HSD17B13: variants seen among roughly 807,000 people sequenced by gnomAD.
The protein encoded by HSD17B13 is 17-beta-hydroxysteroid dehydrogenase 13.
A neutral mutation model predicts 31.1 loss-of-function variants in HSD17B13; 26 were observed. The observed-to-expected ratio is 0.84, with a 90% CI of 0.61 to 1.16. The LOEUF is 1.16. Among genes scored for constraint, HSD17B13 ranks in the 50% most tolerant of loss-of-function variants. The pLI, the probability that HSD17B13 is intolerant of heterozygous loss-of-function variation, is 0.00. For missense variants in HSD17B13, 374 were observed against 366.5 expected, an observed-to-expected ratio of 1.02 and a Z score of -0.17; for synonymous variants, 141 against 133.7, an observed-to-expected ratio of 1.05 and a Z score of -0.38.
intron 3 of HSD17B13, among the ~76,000 whole-genome samples, chr4:87,315,872 T>C (rs1734640134): frequency 6.6e-6 from 1 of 152,210 alleles, no homozygotes; most frequent in South Asian, 2.1e-4. Context: ...GGATATGTCA[T>C]CTAAACAATA....
chr4:87,310,329 G>A lies in HSD17B13; in HGVS notation c.726C>T (p.Val242=), dbSNP rs536476809. The A allele has an allele frequency of 1.1e-5, 17 of 1,567,570 alleles. No homozygotes were observed. Among genetic ancestry groups the A allele is most frequent in the African/African-American group, 4.2e-5 (3 of 71,660 alleles). The change falls in exon 6 of 7, where the codon GTC becomes GTT. Residue 242 remains valine (V), a synonymous_variant. Transcript: ENST00000328546. ...GTATTCCATCTATCAGACTTCTTAC[G>A]ACTTCATCTGTCTCCAATACAGGCC... ...RLWPVLETDE[V]VRSLIDGILT... is the part of the protein sequence containing the mutation.
intron 4 of HSD17B13, 138 bp downstream of exon 4, chr4:87,315,355 C>T: frequency 2.1e-6 from 1 of 468,214 alleles, no homozygotes; most frequent in Admixed American, 3.8e-5. Flanking sequence ...TTCATTCTTT[C>T]CTGGCTTTGT....
At chr4:87,312,924 G>A (rs1231944727) in intron 5 of HSD17B13, among the ~76,000 whole-genome samples, 1 of 151,562 alleles carries the variant, frequency 6.6e-6, no homozygotes, top group East Asian at 2.0e-4. Flanking sequence ...GCCAGGCGTG[G>A]TGGTGGGCGC....
chr4:87,310,032 GCA>G, intron 6 of HSD17B13, among the ~76,000 whole-genome samples: 1 of 152,066 alleles, frequency 6.6e-6, no homozygotes, highest in Non-Finnish European at 1.5e-5. Flanking sequence ...TAGTGTGGCA[GCA>G]CACACCTATA....
chr4:87,315,063 C>T (rs1470542172), intron 4 of HSD17B13, among the ~76,000 whole-genome samples: 7 of 152,216 alleles, frequency 4.6e-5, no homozygotes, highest in African/African-American at 9.6e-5. Context: ...AACATAAGGC[C>T]GATTCATGCT....
chr4:87,314,632 C>CTG (rs1172185522), intron 4 of HSD17B13, among the ~76,000 whole-genome samples: 3 of 140,648 alleles, frequency 2.1e-5, no homozygotes, highest in African/African-American at 8.9e-5. Flanking sequence ...TTCTCTCTCT[C>CTG]TCTCTCTCTC....
At chr4:87,307,004 A>C (rs1734405155) in intron 6 of HSD17B13, among the ~76,000 whole-genome samples, 1 of 150,986 alleles carries the variant, frequency 6.6e-6, no homozygotes, top group South Asian at 2.1e-4. Flanking sequence ...ATTGAAAATC[A>C]CTTTGGTATT....
At chr4:87,312,195 T>C (rs1214785531) in intron 5 of HSD17B13, among the ~76,000 whole-genome samples, 1 of 152,126 alleles carries the variant, frequency 6.6e-6, no homozygotes, top group Non-Finnish European at 1.5e-5. Flanking sequence ...CAATTCCTTG[T>C]CTAAGAAAAC....
intron 5 of HSD17B13, among the ~76,000 whole-genome samples, chr4:87,313,288 T>C (rs1271847861): frequency 6.6e-6 from 1 of 152,134 alleles, no homozygotes; most frequent in Non-Finnish European, 1.5e-5. Flanking sequence ...CAGTAAAAAA[T>C]TGGTTTCGAA....
At chr4:87,315,705 T>G (rs920771825) in intron 3 of HSD17B13, 106 bp from the exon 4 acceptor site, 1 of 571,452 alleles carries the variant, frequency 1.7e-6, no homozygotes, top group East Asian at 2.8e-5. Flanking sequence ...AGAGAACTTA[T>G]ACAATGAAAT....
In HSD17B13 at chr4:87,310,348, A is replaced by G; in HGVS notation, c.707T>C (p.Val236Ala). Residue 236 changes from valine (V) to alanine (A), a missense_variant, in exon 6 of 7, where the codon GTA becomes GCA. Transcript: ENST00000328546. The part of the protein sequence containing the change: ...TKNPSTRLWP[V>A]LETDEVVRSL... ...TCTTACGACTTCATCTGTCTCCAAT[A>G]CAGGCCATAATCTGTGATTAAAAAG... The G allele has an allele frequency of 6.6e-7, 1 of 1,519,956 alleles. No individual in the cohort carries two copies. The highest frequency in any genetic ancestry group is 2.4e-5 in the Admixed American group (1 of 41,004). The allele number at this position is 1,519,956 out of a possible 1,614,324, so 94.2% of individuals were successfully genotyped here.
chr4:87,313,743 G>A, intron 5 of HSD17B13, 80 bp downstream of exon 5: 1 of 1,100,172 alleles, frequency 9.1e-7, no homozygotes, highest in Non-Finnish European at 1.3e-6. Flanking sequence ...TCTATTAGTT[G>A]GCCTGCCTAA....
chr4:87,306,797 C>T (rs1391137706), intron 6 of HSD17B13, among the ~76,000 whole-genome samples: 1 of 149,944 alleles, frequency 6.7e-6, no homozygotes, highest in African/African-American at 2.5e-5. Context: ...ATCCCAGCTA[C>T]TCAGGAGGCT....
intron 3 of HSD17B13, among the ~76,000 whole-genome samples, chr4:87,316,354 G>A (rs112132334): frequency 3.0e-4 from 46 of 152,272 alleles, no homozygotes; most frequent in African/African-American, 9.4e-4. Context: ...TGAGGTCTCC[G>A]TGTAGTTTGG....
chr4:87,318,349 T>C lies in HSD17B13; in HGVS notation c.298A>G (p.Ile100Val), dbSNP rs1377783505. The C allele has an allele frequency of 6.2e-7, 1 of 1,611,944 alleles. No individual in the cohort carries two copies. The highest frequency in any genetic ancestry group is 1.3e-5 in the African/African-American group (1 of 74,852). Residue 100 changes from isoleucine to valine, a missense_variant, in exon 2 of 7, where the codon ATC (isoleucine) becomes GTC (valine). Physicochemically the swap from Ile to Val is conservative, Grantham distance 29 (BLOSUM62 3). Coordinates refer to ENST00000328546, the MANE Select transcript of HSD17B13 (RefSeq NM_178135.5). ...YVVDCSNREE[I>V]YRSLNQVKKE... ...CTCACCTGATTTAGAGAGCGATAGA[T>C]CTCTTCTCTGTTGCTGCAGTCTACC...
At position 87,305,239 on chromosome 4, in the gene HSD17B13, G is replaced by C. The variant is rs752261771; in HGVS notation, c.882C>G (p.Gly294=). The part of the protein sequence containing the change: ...MQNIQFEAVV[G]HKIKMK ...TTATTCATTTCATTTTGATTTTGTG[G>C]CCAACCACTGCTTCAAATTGAATAT... The change falls in exon 7 of 7, where the codon GGC becomes GGG. Residue 294 remains glycine (G), a synonymous_variant. Transcript: ENST00000328546. The C allele has an allele frequency of 6.2e-6, 10 of 1,605,284 alleles. No individual in the cohort carries two copies. In the Admixed American group the frequency reaches 1.7e-4, roughly 27 times the overall value.
In HSD17B13 at chr4:87,313,841, G is replaced by T. The variant is rs1391398495; in HGVS notation, c.677C>A (p.Thr226Asn). Residue 226 changes from threonine (T) to asparagine (N), a missense_variant, in exon 5 of 7, where the codon ACC becomes AAC. By Grantham distance (65) the Thr-to-Asn change is moderately conservative (BLOSUM62 0). Transcript: ENST00000328546. ...LCPVFVNTGFTKNPSTRLWPV... is the reference protein window; with the variant it reads ...LCPVFVNTGFNKNPSTRLWPV... ...ACCTTACCTTGTGCTTGGATTTTTG[G>T]TGAACCCAGTATTCACAAAAACTGG... is the stretch of plus-strand genomic sequence containing the variant. The T allele has an allele frequency of 6.2e-7, 1 of 1,610,942 alleles. No homozygotes were observed. Among genetic ancestry groups the T allele is most frequent in the South Asian group, 1.1e-5 (1 of 90,852 alleles).
In HSD17B13 at chr4:87,315,476, T is replaced by A; in HGVS notation, c.557+17A>T. 2 of 1,419,100 alleles carry A rather than the reference T, an allele frequency of 1.4e-6. No homozygotes were observed. The highest frequency in any genetic ancestry group is 2.0e-6 in the Non-Finnish European group (2 of 1,008,472). The allele number at this position is 1,419,100 out of a possible 1,614,324, so 87.9% of individuals were successfully genotyped here. A position where few individuals can be genotyped will look rare whatever the true frequency, so the allele number is the denominator to read the frequency against. ...AAAGTATAAAAATATATAACATGGC[T>A]GGCATGTGATACTTACCAATATGGG... is the stretch of plus-strand genomic sequence containing the variant. On this transcript the variant is annotated intron_variant, in intron 4 of 6. Transcript: ENST00000328546.
intron 6 of HSD17B13, among the ~76,000 whole-genome samples, chr4:87,306,636 G>C (rs960510289): frequency 1.3e-5 from 2 of 152,048 alleles, no homozygotes; most frequent in African/African-American, 4.8e-5. Context: ...GGCTGGCCCG[G>C]TGGCTCACGC....
Sources: gnomAD v4.1 joint callset for allele counts (sites outside exome capture counted in the v4.1 genomes callset) on GRCh38, gnomAD v4.1.1 for gene constraint, MANE v1.5 for transcripts, NCBI Gene and HGNC (gene_info 2026-07-23, HGNC 2026-07-21) for gene names.